The following IL1RAPL1 variants were observed in gnomAD, a reference collection of about 807,000 sequenced individuals.
The protein encoded by IL1RAPL1 is interleukin 1 receptor accessory protein like 1, also known as interleukin-1 receptor accessory protein-like 1.
Under a neutral mutation model 48.4 loss-of-function variants are expected in IL1RAPL1, and 3 were observed. That is an observed-to-expected ratio of 0.06 (90% CI 0.03 to 0.16). IL1RAPL1 has a LOEUF of 0.16. Ranked by LOEUF, IL1RAPL1 falls within the 10% of genes least tolerant of loss-of-function variation. The pLI, the probability that IL1RAPL1 is intolerant of heterozygous loss-of-function variation, is 1.00. For missense variants in IL1RAPL1, 349 were observed against 530.6 expected, an observed-to-expected ratio of 0.66 and a Z score of 3.36; for synonymous variants, 185 against 187.7, an observed-to-expected ratio of 0.99 and a Z score of 0.12.
At chrX:29,894,566 TAGA>T (rs1213195848) in intron 6 of IL1RAPL1, among the ~76,000 whole-genome samples, 1 of 112,265 alleles carries the variant, frequency 8.9e-6, no homozygotes, top group African/African-American at 3.2e-5. Context: ...TGACAAACTC[TAGA>T]AGGTTTTTAT....
At chrX:29,496,917 T>C (rs1399352962) in intron 5 of IL1RAPL1, among the ~76,000 whole-genome samples, 1 of 112,149 alleles carries the variant, frequency 8.9e-6, no homozygotes, top group African/African-American at 3.2e-5. Context: ...TGATTGGAAA[T>C]GCAAACAGTA....
chrX:29,125,197 C>T lies in IL1RAPL1; in HGVS notation c.83-157741C>T, dbSNP rs905150888. 9.8e-5 allele frequency among the ~76,000 whole-genome samples: 11 copies of T among 112,039 alleles called. No homozygotes were observed. In the South Asian group the frequency reaches 2.6e-3, roughly 26 times the overall value. ...CATATTTTTATAAAATGGTCCTCTG[C>T]GCCATTTCTAAGAATCATAGGTCAA... is the stretch of plus-strand genomic sequence containing the variant. On this transcript the variant is annotated intron_variant, in intron 2 of 10. Coordinates refer to ENST00000378993, the MANE Select transcript of IL1RAPL1 (RefSeq NM_014271.4).
intron 2 of IL1RAPL1, among the ~76,000 whole-genome samples, chrX:28,822,033 CTTAG>C (rs1326940300): frequency 9.1e-6 from 1 of 110,364 alleles, no homozygotes; most frequent in East Asian, 2.9e-4. Flanking sequence ...CCACCATCCA[CTTAG>C]TTTGTTTTGG....
intron 5 of IL1RAPL1, among the ~76,000 whole-genome samples, chrX:29,465,622 C>T (rs761845298): frequency 4.5e-5 from 5 of 110,552 alleles, no homozygotes; most frequent in East Asian, 5.7e-4. Context: ...TTTAATGGAT[C>T]GGGGGTACAG....
At chrX:29,556,536 T>G (rs968132207) in intron 5 of IL1RAPL1, among the ~76,000 whole-genome samples, 4 of 108,587 alleles carry the variant, frequency 3.7e-5, no homozygotes, top group Non-Finnish European at 7.6e-5. Context: ...TAATACCAAT[T>G]ACATGGGAGG....
chrX:29,679,509 C>T (rs1926386176), intron 6 of IL1RAPL1, among the ~76,000 whole-genome samples: 1 of 111,614 alleles, frequency 9.0e-6, no homozygotes, highest in Non-Finnish European at 1.9e-5. Context: ...ATGAATATTT[C>T]TTTCAGAATT....
chrX:29,181,977 C>G (rs775483088), intron 2 of IL1RAPL1, among the ~76,000 whole-genome samples: 1 of 111,363 alleles, frequency 9.0e-6, no homozygotes, highest in East Asian at 2.8e-4. Context: ...CATGGAATCT[C>G]CAAAATAGTG....
intron 2 of IL1RAPL1, among the ~76,000 whole-genome samples, chrX:28,876,595 AG>A (rs1922379217): frequency 9.0e-6 from 1 of 111,678 alleles, no homozygotes; most frequent in African/African-American, 3.3e-5. Context: ...ACTGGCCCCA[AG>A]CTGGCAGCTG....
At chrX:29,065,916 T>C (rs186289336) in intron 2 of IL1RAPL1, among the ~76,000 whole-genome samples, 15 of 112,169 alleles carry the variant, frequency 1.3e-4, no homozygotes, top group African/African-American at 4.2e-4. Flanking sequence ...TGATATAGCA[T>C]TGCCATCATA....
chrX:29,322,526 A>G (rs994990386), intron 3 of IL1RAPL1, among the ~76,000 whole-genome samples: 1 of 112,038 alleles, frequency 8.9e-6, no homozygotes, highest in South Asian at 3.7e-4. Context: ...CAGCCTCCCA[A>G]AGTGCTGGGA....
chrX:29,318,367 TGAAA>T (rs1304945828), intron 3 of IL1RAPL1, among the ~76,000 whole-genome samples: 1 of 112,584 alleles, frequency 8.9e-6, no homozygotes, highest in Admixed American at 9.4e-5. Context: ...TACATTATTT[TGAAA>T]GAAAGAAAAC....
chrX:29,172,472 C>T (rs1170163441), intron 2 of IL1RAPL1, among the ~76,000 whole-genome samples: 1 of 111,234 alleles, frequency 9.0e-6, no homozygotes, highest in Non-Finnish European at 1.9e-5. Context: ...TTTTGGGTTA[C>T]ATATAGACAG....
chrX:28,941,295 C>T (rs1255549441), intron 2 of IL1RAPL1, among the ~76,000 whole-genome samples: 1 of 111,142 alleles, frequency 9.0e-6, no homozygotes, highest in Admixed American at 9.6e-5. Context: ...TAGAGATTAG[C>T]GTTTCATTTT....
intron 2 of IL1RAPL1, among the ~76,000 whole-genome samples, chrX:28,946,162 A>G (rs765720066): frequency 9.1e-6 from 1 of 110,151 alleles, no homozygotes; most frequent in Non-Finnish European, 1.9e-5. Context: ...TTAAAATAAA[A>G]TCATTAATTT....
intron 2 of IL1RAPL1, among the ~76,000 whole-genome samples, chrX:28,998,606 A>G (rs770014014): frequency 8.9e-6 from 1 of 112,031 alleles, no homozygotes; most frequent in East Asian, 2.8e-4. Context: ...TTAAATTGAA[A>G]CTCAATGCTT....
intron 2 of IL1RAPL1, among the ~76,000 whole-genome samples, chrX:29,241,636 C>T (rs73631642): frequency 0.049 from 5,493 of 111,465 alleles, 327 homozygotes; most frequent in African/African-American, 0.17. Flanking sequence ...CTTACTCAAT[C>T]GCTGAGAGCT....
intron 5 of IL1RAPL1, among the ~76,000 whole-genome samples, chrX:29,425,911 A>G (rs1031205037): frequency 9.0e-6 from 1 of 111,589 alleles, no homozygotes; most frequent in Admixed American, 9.5e-5. Flanking sequence ...AGCTACCCTG[A>G]AGACATCTCA....
rs202212925 is a variant in IL1RAPL1 at position 29,686,981 on chromosome X, T to TA, written c.778+18489dup. Among the ~76,000 whole-genome samples the TA allele has an allele frequency of 7.4e-3, 728 of 98,084 alleles. 2 individuals carry two copies. The highest frequency in any genetic ancestry group is 8.4e-3 in the Non-Finnish European group (399 of 47,579). 85.2% of individuals were successfully genotyped at this position (98,084 alleles called of 115,157 possible). On this transcript the variant is annotated intron_variant, in intron 6 of 10. Coordinates refer to ENST00000378993, the MANE Select transcript of IL1RAPL1 (RefSeq NM_014271.4). ...CTCACTCTAATTAGAATGGCTACTA[T>TA]AAAAAAAAAAAACAAAAGATAACAA...
chrX:29,025,380 T>C (rs992037921), intron 2 of IL1RAPL1, among the ~76,000 whole-genome samples: 2 of 111,703 alleles, frequency 1.8e-5, no homozygotes, highest in Admixed American at 9.6e-5. Flanking sequence ...AGCCTCCTAG[T>C]TGGGCTTCCA....
Sources: gnomAD v4.1 joint callset for allele counts (sites outside exome capture counted in the v4.1 genomes callset) on GRCh38, gnomAD v4.1.1 for gene constraint, MANE v1.5 for transcripts, NCBI Gene and HGNC (gene_info 2026-07-23, HGNC 2026-07-21) for gene names.